The following HECW1 variants were observed in gnomAD, a reference collection of about 807,000 sequenced individuals.
The protein encoded by HECW1 is HECT, C2 and WW domain containing E3 ubiquitin protein ligase 1, also known as E3 ubiquitin-protein ligase HECW1.
HECW1 carries 61 observed loss-of-function variants against 182.3 expected under a neutral mutation model. The ratio of observed to expected loss-of-function variants is 0.33; its 90% CI spans 0.27 to 0.41. The LOEUF (loss-of-function observed/expected upper bound fraction) is 0.41. Ranked by LOEUF, HECW1 falls within the 10% of genes least tolerant of loss-of-function variation. The pLI is 1.00. For synonymous variants in HECW1, 859 were observed against 832.6 expected (o/e 1.03, Z -0.55); for missense variants, 1,739 against 2,108.9 (o/e 0.82, Z 3.44).
At chr7:43,501,614 G>A (rs1046352400) in intron 21 of HECW1, among the ~76,000 whole-genome samples, 3 of 152,072 alleles carry the variant, frequency 2.0e-5, no homozygotes, top group African/African-American at 7.2e-5. Flanking sequence ...AGGATCACTT[G>A]AGTCCAGGAG....
intron 3 of HECW1, among the ~76,000 whole-genome samples, chr7:43,295,213 C>G (rs1805888351): frequency 6.6e-6 from 1 of 151,982 alleles, no homozygotes; most frequent in East Asian, 1.9e-4. Context: ...TGTTATTTGT[C>G]CACAAGGAAT....
Position 43,445,106 on chromosome 7 carries a change from C to G in HECW1, c.1934C>G (p.Ala645Gly), listed in dbSNP as rs1196124919. ...GHFPSLANGA[A>G]QDGDTHPSTG... Reference sequence around the variant, plus strand: ...TTCCCCAGCCTGGCCAATGGCGCGGCCCAGGATGGCGACACGCACCCCAGC... The same window carrying G: ...TTCCCCAGCCTGGCCAATGGCGCGGGCCAGGATGGCGACACGCACCCCAGC... The change falls in exon 11 of 30, where the codon GCC becomes GGC. Residue 645 changes from alanine (A) to glycine (G), a missense_variant. Ala to Gly is a moderately conservative substitution (Grantham distance 60). This residue lies in a region of HECW1 where 971 missense variants were observed against 1,029.1 expected (regional missense o/e 0.94). Transcript: ENST00000395891. The G allele has an allele frequency of 2.5e-6, 4 of 1,607,032 alleles. No individual in the cohort carries two copies. Among genetic ancestry groups the G allele is most frequent in the Non-Finnish European group, 3.4e-6 (4 of 1,178,498 alleles).
chr7:43,162,991 G>A (rs1396216934), intron 2 of HECW1: 3 of 152,196 alleles, frequency 2.0e-5, no homozygotes, highest in African/African-American at 7.2e-5. Context: ...GTGAGCAGAG[G>A]AGTTGCTTAC....
Position 43,475,063 on chromosome 7 carries a change from G to T in HECW1, c.3100-4547G>T, listed in dbSNP as rs567312353. On this transcript the variant is annotated intron_variant, in intron 16 of 29. Coordinates refer to ENST00000395891, the MANE Select transcript of HECW1 (RefSeq NM_015052.5). ...AGTGCTGGGGAAGGAGAGTGGTGATGGTTGCACAACCGTGAGAATTTATTA... is the reference window on the plus strand; with the variant it reads ...AGTGCTGGGGAAGGAGAGTGGTGATTGTTGCACAACCGTGAGAATTTATTA... 2.6e-5 allele frequency among the ~76,000 whole-genome samples: 4 copies of T among 152,142 alleles called. No individual in the cohort carries two copies. In the East Asian group the frequency reaches 7.7e-4, roughly 29 times the overall value.
intron 8 of HECW1, among the ~76,000 whole-genome samples, chr7:43,418,496 C>T (rs2076083849): frequency 6.6e-6 from 1 of 152,144 alleles, no homozygotes; most frequent in African/African-American, 2.4e-5. Context: ...TTCAGAGTCC[C>T]ACAGGTCCCT....
chr7:43,407,675 C>G lies in HECW1; in HGVS notation c.745C>G (p.Gln249Glu). 1 of 1,613,806 alleles carries G rather than the reference C, an allele frequency of 6.2e-7. No homozygotes were observed. Among genetic ancestry groups the G allele is most frequent in the Non-Finnish European group, 8.5e-7 (1 of 1,179,788 alleles). Residue 249 changes from glutamine (Q) to glutamate (E), a missense_variant, in exon 8 of 30, where the codon CAG (glutamine) becomes GAG (glutamate). Physicochemically the swap from Gln to Glu is conservative, Grantham distance 29. Transcript: ENST00000395891. ...CTTCCCCGCCCTCCCTCACCATGGA[C>G]AGGAGAGGAGATCCAAGATCATAGG... ...SIFPALPHHG[Q>E]ERRSKIIGNT...
chr7:43,300,219 C>T (rs958591527), intron 3 of HECW1, among the ~76,000 whole-genome samples: 1 of 152,232 alleles, frequency 6.6e-6, no homozygotes. Context: ...TATTTCCTTC[C>T]TCTTCCAATA....
intron 5 of HECW1, among the ~76,000 whole-genome samples, chr7:43,349,799 T>C (rs1814170192): frequency 6.6e-6 from 1 of 152,234 alleles, no homozygotes; most frequent in Non-Finnish European, 1.5e-5. Flanking sequence ...GAGTTATCCA[T>C]TCTGCGGTTC....
intron 2 of HECW1, among the ~76,000 whole-genome samples, chr7:43,153,609 T>C (rs1312341877): frequency 2.0e-5 from 3 of 152,132 alleles, no homozygotes; most frequent in Non-Finnish European, 4.4e-5. Flanking sequence ...TGGAAAGACT[T>C]TGAAGAGGCT....
At chr7:43,332,041 A>G (rs1017781859) in intron 5 of HECW1, among the ~76,000 whole-genome samples, 1 of 152,144 alleles carries the variant, frequency 6.6e-6, no homozygotes, top group African/African-American at 2.4e-5. Context: ...TGGCAGGTGC[A>G]AGATGGGAAC....
intron 2 of HECW1, among the ~76,000 whole-genome samples, chr7:43,145,374 C>T (rs970681055): frequency 3.3e-5 from 5 of 152,200 alleles, no homozygotes; most frequent in Non-Finnish European, 7.3e-5. Context: ...GACCTCACTG[C>T]AACATCCACC....
At chr7:43,316,805 G>T (rs66568842) in intron 4 of HECW1, among the ~76,000 whole-genome samples, 269 of 41,998 alleles carry the variant, frequency 6.4e-3, no homozygotes, top group African/African-American at 0.011. Context: ...CTCCTCTCCC[G>T]TCCCGTCTCC....
intron 8 of HECW1, among the ~76,000 whole-genome samples, chr7:43,427,768 T>G (rs2076407338): frequency 6.6e-6 from 1 of 152,138 alleles, no homozygotes; most frequent in Non-Finnish European, 1.5e-5. Flanking sequence ...GTTGGCAGAA[T>G]TGAGATCCTT....
At chr7:43,178,021 G>T (rs1444732002) in intron 2 of HECW1, among the ~76,000 whole-genome samples, 1 of 152,090 alleles carries the variant, frequency 6.6e-6, no homozygotes, top group Non-Finnish European at 1.5e-5. Context: ...GGTTTGGTTT[G>T]GTTTTTGAGA....
chr7:43,493,642 G>A (rs2079016316), intron 19 of HECW1, among the ~76,000 whole-genome samples: 1 of 152,192 alleles, frequency 6.6e-6, no homozygotes, highest in Non-Finnish European at 1.5e-5. Context: ...TTTTGAACAA[G>A]TGCCCTGAAA....
intron 2 of HECW1, among the ~76,000 whole-genome samples, chr7:43,168,474 A>C (rs557144769): frequency 6.6e-6 from 1 of 152,224 alleles, no homozygotes; most frequent in East Asian, 1.9e-4. Context: ...CCTGGGCAAC[A>C]TACTGAGACC....
chr7:43,425,173 C>T (rs2076316869), intron 8 of HECW1, among the ~76,000 whole-genome samples: 1 of 151,952 alleles, frequency 6.6e-6, no homozygotes. Context: ...CCAGCTAATA[C>T]AATCAAGGAC....
intron 4 of HECW1, among the ~76,000 whole-genome samples, chr7:43,319,214 C>T (rs1226856244): frequency 2.0e-5 from 3 of 151,154 alleles, no homozygotes; most frequent in South Asian, 2.1e-4. Flanking sequence ...GGTGAAACCC[C>T]GTCTCTACTA....
chr7:43,514,582 C>T (rs2080051482), intron 24 of HECW1, among the ~76,000 whole-genome samples: 1 of 152,156 alleles, frequency 6.6e-6, no homozygotes. Flanking sequence ...AGCCAACGTG[C>T]CCAGCCTATT....
Sources: allele counts gnomAD v4.1 joint callset (sites outside exome capture counted in the v4.1 genomes callset), GRCh38; gene constraint gnomAD v4.1.1; regional missense constraint gnomAD v4.1.1; transcripts MANE v1.5; gene names NCBI Gene and HGNC (gene_info 2026-07-23, HGNC 2026-07-21).